Variants in GRIK4 observed in about 807,000 individuals in gnomAD.
The protein encoded by GRIK4 is glutamate ionotropic receptor kainate type subunit 4.
A neutral mutation model predicts 104.9 loss-of-function variants in GRIK4; 40 were observed. The ratio of observed to expected loss-of-function variants is 0.38; its 90% CI spans 0.30 to 0.50. The LOEUF (loss-of-function observed/expected upper bound fraction) is 0.50. Among genes scored for constraint, GRIK4 ranks in the 20% least tolerant of loss-of-function variants. The pLI is 0.93. For synonymous variants in GRIK4, 485 were observed against 524.9 expected (o/e 0.92, Z 1.04); for missense variants, 1,047 against 1,308.1 (o/e 0.80, Z 3.08).
At chr11:120,860,178 T>A (rs1263051951) in intron 8 of GRIK4, among the ~76,000 whole-genome samples, 1 of 152,102 alleles carries the variant, frequency 6.6e-6, no homozygotes, top group Non-Finnish European at 1.5e-5. Flanking sequence ...ACCCCCAGGG[T>A]GTGGATCTGT....
chr11:120,634,408 G>A (rs1386715581), intron 1 of GRIK4, among the ~76,000 whole-genome samples: 2 of 151,994 alleles, frequency 1.3e-5, no homozygotes, highest in Admixed American at 6.6e-5. Context: ...ACACCACCCC[G>A]CCACCATCCC....
At chr11:120,715,283 G>A (rs937423633) in intron 3 of GRIK4, among the ~76,000 whole-genome samples, 2 of 152,188 alleles carry the variant, frequency 1.3e-5, no homozygotes, top group Admixed American at 6.5e-5. Flanking sequence ...CCCAACCTAC[G>A]AGGGCAGGCA....
At position 120,986,248 on chromosome 11, in the gene GRIK4, C is replaced by G; in HGVS notation, c.2859C>G (p.Ser953Arg). 1 of 1,561,596 alleles carries G rather than the reference C, an allele frequency of 6.4e-7. No homozygotes were observed. The highest frequency in any genetic ancestry group is 8.6e-7 in the Non-Finnish European group (1 of 1,163,338). ...AGTGGGAGAAAACCACCAACAGCAG[C>G]GAGCCCGAGTAGTCCCGGAGGCCAC... Reference protein sequence around the residue: ...SLEWEKTTNSSEPE With the variant: ...SLEWEKTTNSREPE Residue 953 changes from serine (S) to arginine (R), a missense_variant, in exon 21 of 21, where the codon AGC (serine) becomes AGG (arginine). Around this residue, in one of 3 missense-constraint regions of GRIK4, gnomAD observed 160 missense variants for 140.9 expected, o/e 1.14. Coordinates refer to ENST00000527524, the MANE Select transcript of GRIK4 (RefSeq NM_014619.5).
intron 1 of GRIK4, among the ~76,000 whole-genome samples, chr11:120,602,344 G>A (rs1948898858): frequency 6.6e-6 from 1 of 152,308 alleles, no homozygotes. Flanking sequence ...TATAGGAATT[G>A]ATTACCATCC....
In GRIK4 at chr11:120,923,391, G is replaced by T. The variant is rs145308534; in HGVS notation, c.1477-16956G>T. On this transcript the variant is annotated intron_variant, in intron 13 of 20. Transcript: ENST00000527524. Reference sequence around the variant, plus strand: ...TGAGCACTTGCCCCATGCTAGGCCCGATCCATTTGCTCATTTTTTTTTTTT... The same window carrying T: ...TGAGCACTTGCCCCATGCTAGGCCCTATCCATTTGCTCATTTTTTTTTTTT... Among the ~76,000 whole-genome samples, 524 of 149,386 alleles carry T rather than the reference G, an allele frequency of 3.5e-3. 12 individuals are homozygous for T. The East Asian group carries it at 0.046, about 13-fold the overall frequency.
At chr11:120,885,184 A>G (rs886547792) in intron 11 of GRIK4, among the ~76,000 whole-genome samples, 2 of 152,226 alleles carry the variant, frequency 1.3e-5, no homozygotes, top group Admixed American at 6.5e-5. Flanking sequence ...AGCTAATTCA[A>G]AACACCTTCT....
At chr11:120,906,956 G>A (rs959596484) in intron 13 of GRIK4, among the ~76,000 whole-genome samples, 1 of 152,306 alleles carries the variant, frequency 6.6e-6, no homozygotes, top group East Asian at 1.9e-4. Flanking sequence ...GCTGCAGAAG[G>A]CCTAGGGAGC....
intron 7 of GRIK4, 68 bp from the exon 8 acceptor site, chr11:120,836,723 C>T: frequency 1.0e-6 from 1 of 957,542 alleles, no homozygotes; most frequent in Non-Finnish European, 1.7e-6. Flanking sequence ...CACTTGGAAC[C>T]CCTACTGCTC....
At chr11:120,560,461 T>C (rs1466113933) in intron 1 of GRIK4, among the ~76,000 whole-genome samples, 4 of 152,220 alleles carry the variant, frequency 2.6e-5, no homozygotes, top group African/African-American at 7.2e-5. Flanking sequence ...AGTGTCCCCG[T>C]TGAATTCATC....
At chr11:120,644,493 TC>T (rs961491548) in intron 1 of GRIK4, among the ~76,000 whole-genome samples, 1 of 152,206 alleles carries the variant, frequency 6.6e-6, no homozygotes, top group African/African-American at 2.4e-5. Context: ...GAGGTTAATG[TC>T]TTGGTCACAG....
At chr11:120,546,649 AG>A (rs1948087866) in intron 1 of GRIK4, among the ~76,000 whole-genome samples, 6 of 152,102 alleles carry the variant, frequency 3.9e-5, no homozygotes, top group Admixed American at 2.6e-4. Flanking sequence ...GATGGAGTCT[AG>A]GGAACGTGCA....
chr11:120,710,216 C>G (rs377443548), intron 3 of GRIK4, among the ~76,000 whole-genome samples: 2 of 152,012 alleles, frequency 1.3e-5, no homozygotes, highest in African/African-American at 4.8e-5. Context: ...GTAGGACAGA[C>G]TTATCTGTAC....
intron 9 of GRIK4, among the ~76,000 whole-genome samples, chr11:120,863,576 A>G (rs567517135): frequency 6.6e-6 from 1 of 152,374 alleles, no homozygotes; most frequent in Non-Finnish European, 1.5e-5. Context: ...AGTTACAGAT[A>G]GAAAGAAGTG....
chr11:120,570,183 A>G (rs1370602168), intron 1 of GRIK4, among the ~76,000 whole-genome samples: 1 of 152,232 alleles, frequency 6.6e-6, no homozygotes, highest in Non-Finnish European at 1.5e-5. Context: ...ACCTCGCTCT[A>G]CTGCCAACCA....
chr11:120,580,207 C>CTT (rs1243889501), intron 1 of GRIK4, among the ~76,000 whole-genome samples: 1 of 117,382 alleles, frequency 8.5e-6, no homozygotes, highest in African/African-American at 4.6e-5. Context: ...TTCTTTCTTT[C>CTT]TTTCTTTCTT....
At chr11:120,861,656 C>A (rs1490727035) in intron 8 of GRIK4, among the ~76,000 whole-genome samples, 2 of 152,108 alleles carry the variant, frequency 1.3e-5, no homozygotes, top group African/African-American at 2.4e-5. Context: ...GTGGAAAAAA[C>A]CCTGTGTGCC....
chr11:120,824,553 C>CTTTTTTTTTTTTTTTTT (rs763907708), intron 6 of GRIK4, among the ~76,000 whole-genome samples: 3 of 128,892 alleles, frequency 2.3e-5, no homozygotes, highest in African/African-American at 2.9e-5. Context: ...TTTTTCTTTT[C>CTTTTTTTTTTTTTTTTT]TTTTTTTTTT....
intron 11 of GRIK4, among the ~76,000 whole-genome samples, chr11:120,887,952 G>C (rs1441133865): frequency 2.0e-5 from 3 of 152,136 alleles, no homozygotes; most frequent in Non-Finnish European, 4.4e-5. Context: ...AGTGTGAGGA[G>C]CCTGAGTGGG....
At chr11:120,607,343 C>T (rs116888544) in intron 1 of GRIK4, among the ~76,000 whole-genome samples, 3,230 of 152,240 alleles carry the variant, frequency 0.021, 53 homozygotes, top group Non-Finnish European at 0.029. Context: ...CAGGGAGGGG[C>T]ACCTGTGTTT....
Sources: gnomAD v4.1 joint callset for allele counts (sites outside exome capture counted in the v4.1 genomes callset) on GRCh38, gnomAD v4.1.1 for gene constraint, gnomAD v4.1.1 regional missense constraint, MANE v1.5 for transcripts, NCBI Gene and HGNC (gene_info 2026-07-23, HGNC 2026-07-21) for gene names.